OSMR: variants seen among roughly 807,000 people sequenced by gnomAD.
OSMR encodes oncostatin-M-specific receptor subunit beta.
OSMR carries 81 observed loss-of-function variants against 99.9 expected under a neutral mutation model. The ratio of observed to expected loss-of-function variants is 0.81; its 90% CI spans 0.68 to 0.97. The LOEUF is 0.97. OSMR is among the 50% of genes least tolerant of loss of function. The pLI is 0.00. For missense variants in OSMR, 1,099 were observed against 1,153.4 expected, an observed-to-expected ratio of 0.95 and a Z score of 0.68; for synonymous variants, 406 against 410.4, an observed-to-expected ratio of 0.99 and a Z score of 0.13.
intron 9 of OSMR, among the ~76,000 whole-genome samples, chr5:38,916,615 A>AC (rs1745910419): frequency 6.6e-6 from 1 of 152,206 alleles, no homozygotes. Context: ...ATGGTTTAAT[A>AC]CATAGGTACC....
chr5:38,928,753 T>TACTAC (rs1746586585), intron 15 of OSMR, among the ~76,000 whole-genome samples: 1 of 152,190 alleles, frequency 6.6e-6, no homozygotes, highest in Admixed American at 6.5e-5. Flanking sequence ...AACATGTCCC[T>TACTAC]AGGTTTCCAA....
At chr5:38,918,162 T>G (rs954298418) in intron 10 of OSMR, among the ~76,000 whole-genome samples, 1 of 151,792 alleles carries the variant, frequency 6.6e-6, no homozygotes, top group Non-Finnish European at 1.5e-5. Flanking sequence ...CACCTTTAGT[T>G]TGGCACACTC....
intron 1 of OSMR, among the ~76,000 whole-genome samples, chr5:38,863,717 T>A (rs1741703301): frequency 6.6e-6 from 1 of 152,206 alleles, no homozygotes; most frequent in South Asian, 2.1e-4. Flanking sequence ...CTTTGTTAAT[T>A]TTCTGTCTAG....
Position 38,918,954 on chromosome 5 carries a change from A to AC in OSMR, c.1478dup (p.Leu495ThrfsTer4), listed in dbSNP as rs1203967337. 1.2e-6 allele frequency: 2 copies of AC among 1,614,202 alleles called. No homozygotes were observed. Among genetic ancestry groups the AC allele is most frequent in the Non-Finnish European group, 1.7e-6 (2 of 1,180,016 alleles). ...TTCCATTCCAGCACCAGCCAACAGC[A>AC]CAAAACTAATCCTTGACAGGTGTTC... On this transcript the variant is annotated frameshift_variant, in exon 11 of 18. Transcript: ENST00000274276. LOFTEE classifies it high-confidence loss of function.
intron 11 of OSMR, 114 bp downstream of exon 11, chr5:38,919,176 G>C (rs755775208): frequency 1.3e-6 from 2 of 1,546,962 alleles, no homozygotes; most frequent in Non-Finnish European, 1.7e-6. Context: ...AAAATGTCTA[G>C]TCACTAAACA....
chr5:38,939,251 G>A (rs1384809323), downstream of OSMR: 4 of 232,576 alleles, frequency 1.7e-5, no homozygotes. Flanking sequence ...GTTGTGATAT[G>A]CCCTGAAAAA....
At chr5:38,894,157 T>C (rs1420290781) in intron 7 of OSMR, among the ~76,000 whole-genome samples, 1 of 152,112 alleles carries the variant, frequency 6.6e-6, no homozygotes, top group Non-Finnish European at 1.5e-5. Flanking sequence ...TAGACCAACC[T>C]TACAAGAAAT....
chr5:38,936,614 T>C (rs970299554), downstream of OSMR, among the ~76,000 whole-genome samples: 8 of 152,238 alleles, frequency 5.3e-5, no homozygotes, highest in African/African-American at 1.9e-4. Context: ...ATGAAGAACG[T>C]CAAGACTTAC....
chr5:38,848,769 C>T (rs1319227524), intron 1 of OSMR, among the ~76,000 whole-genome samples: 2 of 152,074 alleles, frequency 1.3e-5, no homozygotes, highest in East Asian at 3.8e-4. Context: ...TTAATGGCTA[C>T]GTGTTATTCT....
chr5:38,907,871 T>C (rs537956468), intron 9 of OSMR, among the ~76,000 whole-genome samples: 28 of 152,300 alleles, frequency 1.8e-4, no homozygotes, highest in Non-Finnish European at 3.5e-4. Flanking sequence ...TCTCCTCCAA[T>C]GGCTTATGTG....
At chr5:38,887,339 A>G (rs896941209) in intron 7 of OSMR, among the ~76,000 whole-genome samples, 1 of 152,238 alleles carries the variant, frequency 6.6e-6, no homozygotes, top group Non-Finnish European at 1.5e-5. Context: ...CAAGAAGTTT[A>G]AAGGTTTTTA....
intron 1 of OSMR, among the ~76,000 whole-genome samples, chr5:38,862,098 G>C (rs1259277813): frequency 2.9e-4 from 3 of 10,328 alleles, no homozygotes; most frequent in South Asian, 4.5e-3. Context: ...CGGGTGGGGG[G>C]CTGACCCCCC....
chr5:38,910,493 C>T (rs1254028882), intron 9 of OSMR, among the ~76,000 whole-genome samples: 14 of 152,004 alleles, frequency 9.2e-5, no homozygotes, highest in Admixed American at 9.2e-4. Context: ...AAAAGAAAAC[C>T]CGAAATAATA....
At chr5:38,928,233 A>G (rs1292891160) in intron 15 of OSMR, among the ~76,000 whole-genome samples, 2 of 151,904 alleles carry the variant, frequency 1.3e-5, no homozygotes, top group African/African-American at 2.4e-5. Context: ...AGCCCTCCAA[A>G]CTGTTCCAGC....
chr5:38,921,641 G>A lies in OSMR; in HGVS notation c.1612G>A (p.Gly538Ser). The change falls in exon 12 of 18, where the codon GGC becomes AGC. Residue 538 changes from glycine to serine, a missense_variant. Gly to Ser is a moderately conservative substitution (Grantham distance 56). Transcript: ENST00000274276. ...NKEVEEERIAGTEGGFSLSWK... is the reference protein window; with the variant it reads ...NKEVEEERIASTEGGFSLSWK... ...AGAGGTTGAGGAAGAAAGAATTGCA[G>A]GCACAGAGGGTGGATTCTCTCTGTC... The A allele has an allele frequency of 6.2e-7, 1 of 1,614,148 alleles. No homozygotes were observed. Among genetic ancestry groups the A allele is most frequent in the South Asian group, 1.1e-5 (1 of 91,086 alleles).
intron 1 of OSMR, among the ~76,000 whole-genome samples, chr5:38,867,070 G>A (rs1742007601): frequency 6.6e-6 from 1 of 152,068 alleles, no homozygotes; most frequent in African/African-American, 2.4e-5. Context: ...CCTTTTAAGA[G>A]GAGGTGAGTG....
At chr5:38,862,999 CA>C (rs1330365675) in intron 1 of OSMR, among the ~76,000 whole-genome samples, 2 of 151,860 alleles carry the variant, frequency 1.3e-5, no homozygotes, top group Non-Finnish European at 2.9e-5. Flanking sequence ...CTGTCTCCAC[CA>C]AAAAAGTACA....
At position 38,933,334 on chromosome 5, in the gene OSMR, G is replaced by C; in HGVS notation, c.2830G>C (p.Glu944Gln). 1.2e-6 allele frequency: 2 copies of C among 1,614,206 alleles called. No homozygotes were observed. Among genetic ancestry groups the C allele is most frequent in the Non-Finnish European group, 1.7e-6 (2 of 1,180,018 alleles). ...TNPVEAPHCS[E>Q]YKMQMAVSLR... ...CCCAGTAGAGGCACCACACTGTTCA[G>C]AGTATAAAATGCAAATGGCAGTCTC... Residue 944 changes from glutamate (E) to glutamine (Q), a missense_variant, in exon 18 of 18, where the codon GAG becomes CAG. Transcript: ENST00000274276.
At chr5:38,942,786 A>T in intron 1 of OSMR, 2 of 1,437,892 alleles carry the variant, frequency 1.4e-6, no homozygotes, top group Non-Finnish European at 2.0e-6. Context: ...ATTCAAACAC[A>T]GAATTATTCT....
Sources: gnomAD v4.1 joint callset for allele counts (sites outside exome capture counted in the v4.1 genomes callset) on GRCh38, gnomAD v4.1.1 for gene constraint, MANE v1.5 for transcripts, NCBI Gene and HGNC (gene_info 2026-07-23, HGNC 2026-07-21) for gene names.